The following RAB11FIP1 variants were observed in gnomAD, a reference collection of about 807,000 sequenced individuals.
The protein encoded by RAB11FIP1 is RAB11 family interacting protein 1.
Under a neutral mutation model 83.1 loss-of-function variants are expected in RAB11FIP1, and 49 were observed. That is an observed-to-expected ratio of 0.59 (90% CI 0.47 to 0.75). The LOEUF (loss-of-function observed/expected upper bound fraction) is 0.75, where lower values mean the gene tolerates loss of function less well. Ranked by LOEUF, RAB11FIP1 falls within the 30% of genes least tolerant of loss-of-function variation. The pLI, the probability that RAB11FIP1 is intolerant of heterozygous loss-of-function variation, is 0.00. For missense variants in RAB11FIP1, 1,536 were observed against 1,598.7 expected (o/e 0.96, Z 0.67); for synonymous variants, 670 against 656.0 (o/e 1.02, Z -0.33).
Position 37,871,345 on chromosome 8 carries a change from C to G in RAB11FIP1, c.3457G>C (p.Val1153Leu), listed in dbSNP as rs777316777. Residue 1153 changes from valine (V) to leucine (L), a missense_variant, in exon 4 of 6, where the codon GTC becomes CTC. By Grantham distance (32) the Val-to-Leu change is conservative. Transcript: ENST00000330843. Reference sequence around the variant, plus strand: ...ACTGGATGTGTCTCCGAGGGTGAGACCCAGGCCTGGAGGAGTGGCTTCCTC... The same window carrying G: ...ACTGGATGTGTCTCCGAGGGTGAGAGCCAGGCCTGGAGGAGTGGCTTCCTC... ...GKRKPLLQAWVSPSETHPVSA... is the reference protein window; with the variant it reads ...GKRKPLLQAWLSPSETHPVSA... 1 of 1,614,016 alleles carries G rather than the reference C, an allele frequency of 6.2e-7. No homozygotes were observed.
chr8:37,866,852 A>T (rs1350651593), intron 5 of RAB11FIP1, among the ~76,000 whole-genome samples: 1 of 152,210 alleles, frequency 6.6e-6, no homozygotes, highest in Non-Finnish European at 1.5e-5. Flanking sequence ...CCAATAGCAG[A>T]GCCTCCAGGA....
chr8:37,873,358 A>G (rs1220618731), intron 3 of RAB11FIP1, 179 bp from the exon 4 acceptor site: 2 of 599,968 alleles, frequency 3.3e-6, no homozygotes, highest in Non-Finnish European at 5.5e-6. Context: ...TAATCCCAGC[A>G]CTGTGGGAGG....
chr8:37,894,996 G>A (rs1410033570), intron 1 of RAB11FIP1, among the ~76,000 whole-genome samples: 3 of 147,644 alleles, frequency 2.0e-5, no homozygotes, highest in South Asian at 2.1e-4. Context: ...AACCTCAGGT[G>A]ATCCACCCAC....
rs756794766 is a variant in RAB11FIP1 at position 37,871,951 on chromosome 8, T to C, written c.2851A>G (p.Ile951Val). The C allele has an allele frequency of 3.7e-6, 6 of 1,614,074 alleles. No homozygotes were observed. Among genetic ancestry groups the C allele is most frequent in the African/African-American group, 2.7e-5 (2 of 74,932 alleles). ...LQLVSDFKSP[I>V]MADLNLSLPS... ...AGGCTTAAGTTCAGATCGGCCATGA[T>C]TGGAGATTTAAAATCTGAGACCAAC... Residue 951 changes from isoleucine to valine, a missense_variant, in exon 4 of 6, where the codon ATC becomes GTC. Coordinates refer to ENST00000330843, the MANE Select transcript of RAB11FIP1 (RefSeq NM_001002814.3).
intron 1 of RAB11FIP1, among the ~76,000 whole-genome samples, chr8:37,888,965 A>AT (rs1232262770): frequency 1.8e-4 from 28 of 151,678 alleles, no homozygotes; most frequent in Admixed American, 1.7e-3. Flanking sequence ...GCCCAGCTAA[A>AT]TTTTTGTATT....
intron 5 of RAB11FIP1, among the ~76,000 whole-genome samples, chr8:37,868,113 C>T (rs1471602287): frequency 1.3e-5 from 2 of 152,100 alleles, no homozygotes; most frequent in Admixed American, 6.6e-5. Flanking sequence ...TAGAGCAAGA[C>T]CCCATCTCCA....
chr8:37,895,265 T>A (rs1317924735), intron 1 of RAB11FIP1, among the ~76,000 whole-genome samples: 672 of 17,498 alleles, frequency 0.038, no homozygotes, highest in African/African-American at 0.044. Context: ...ATATATTTTT[T>A]TTTTTTTTTT....
rs748224398 is a variant in RAB11FIP1 at position 37,899,474 on chromosome 8, A to G, written c.-33T>C. ...ATAACACTCCAGAAGCGAGGAGAAGATCGCCGCGACTGGCGGCCTCCACGG... is the reference window on the plus strand; with the variant it reads ...ATAACACTCCAGAAGCGAGGAGAAGGTCGCCGCGACTGGCGGCCTCCACGG... On this transcript the variant is annotated 5_prime_UTR_variant, in exon 1 of 6. Transcript: ENST00000330843. The surrounding 1 kb of genome is among the most constrained non-coding windows in gnomAD (Gnocchi z 4.5). 6.7e-7 allele frequency: 1 copy of G among 1,486,592 alleles called. No individual in the cohort carries two copies. The highest frequency in any genetic ancestry group is 8.9e-7 in the Non-Finnish European group (1 of 1,121,738). The allele number at this position is 1,486,592 out of a possible 1,614,324, so 92.1% of individuals were successfully genotyped here.
At chr8:37,895,881 GACACAC>G (rs374289320) in intron 1 of RAB11FIP1, among the ~76,000 whole-genome samples, 19 of 150,022 alleles carry the variant, frequency 1.3e-4, no homozygotes, top group Admixed American at 6.7e-4. Flanking sequence ...CAGACAGAGA[GACACAC>G]ACACACACAC....
At position 37,899,305 on chromosome 8, in the gene RAB11FIP1, T is replaced by A; in HGVS notation, c.137A>T (p.Gln46Leu). 1 of 1,609,882 alleles carries A rather than the reference T, an allele frequency of 6.2e-7. No homozygotes were observed. The highest frequency in any genetic ancestry group is 2.2e-5 in the East Asian group (1 of 44,738). The change falls in exon 1 of 6, where the codon CAG becomes CTG. Residue 46 changes from glutamine to leucine, a missense_variant. Transcript: ENST00000330843. This position sits in a 1 kb window ranked among gnomAD's most constrained non-coding sequence, Gnocchi z 4.5. ...GGTSDAYAVI[Q>L]VGKEKYATSV... ...GGTGGCGTACTTCTCCTTGCCCACC[T>A]GGATCACCGCGTACGCGTCGCTCGT...
chr8:37,875,554 T>C lies in RAB11FIP1; in HGVS notation c.815-232A>G, dbSNP rs150938123. Among the ~76,000 whole-genome samples, 462 of 152,230 alleles carry C rather than the reference T, an allele frequency of 3.0e-3. 4 individuals are homozygous for C. The highest frequency in any genetic ancestry group is 0.011 in the African/African-American group (449 of 41,524). ...GTCTAAACTGTCCACAGTGCTGAGG[T>C]TGAGAAACTCTGGGTTAAACCAATG... On this transcript the variant is annotated intron_variant, in intron 2 of 5. Transcript: ENST00000330843.
chr8:37,873,320 G>T, intron 3 of RAB11FIP1, 141 bp from the exon 4 acceptor site: 1 of 950,540 alleles, frequency 1.1e-6, no homozygotes, highest in Non-Finnish European at 1.5e-6. Flanking sequence ...AAAAAGGAAC[G>T]CTAGCCGGGC....
At chr8:37,896,080 C>T (rs1224428479) in intron 1 of RAB11FIP1, among the ~76,000 whole-genome samples, 2 of 152,004 alleles carry the variant, frequency 1.3e-5, no homozygotes, top group African/African-American at 4.8e-5. Context: ...GAGGCTGAGG[C>T]GGGTGGATCA....
chr8:37,895,362 C>T (rs549704369), intron 1 of RAB11FIP1, among the ~76,000 whole-genome samples: 10 of 131,822 alleles, frequency 7.6e-5, no homozygotes, highest in Admixed American at 2.4e-4. Context: ...CCTCCTGCCT[C>T]GGCCTCCCAA....
At position 37,871,999 on chromosome 8, in the gene RAB11FIP1, A is replaced by C; in HGVS notation, c.2803T>G (p.Ser935Ala). ...AACTGAAGGTCACTCAAGGGGTCAG[A>C]CAATAAACCTTCGTGGTCACTGGCT... ...SKASDHEGLL[S>A]DPLSDLQLVS... Residue 935 changes from serine to alanine, a missense_variant, in exon 4 of 6, where the codon TCT (serine) becomes GCT (alanine). Transcript: ENST00000330843. The C allele has an allele frequency of 6.2e-7, 1 of 1,614,196 alleles. No individual in the cohort carries two copies. The highest frequency in any genetic ancestry group is 1.1e-5 in the South Asian group (1 of 91,084).
rs560021865 is a variant in RAB11FIP1 at position 37,872,337 on chromosome 8, G to A, written c.2465C>T (p.Ala822Val). 3.0e-5 allele frequency: 49 copies of A among 1,614,160 alleles called. No homozygotes were observed. The highest frequency in any genetic ancestry group is 1.8e-4 in the East Asian group (8 of 44,884). The change falls in exon 4 of 6, where the codon GCG (alanine) becomes GTG (valine). Residue 822 changes from alanine to valine, a missense_variant. Physicochemically the swap from Ala to Val is moderately conservative, Grantham distance 64 (BLOSUM62 0). Coordinates refer to ENST00000330843, the MANE Select transcript of RAB11FIP1 (RefSeq NM_001002814.3). ...TCCTTCCACCAGCAAGGCAGCCCCC[G>A]CCACTGCCTCTTCCGTGAAGAGCTG... is the stretch of plus-strand genomic sequence containing the variant. ...SEQLFTEEAV[A>V]GAALLVEGHS...
intron 1 of RAB11FIP1, among the ~76,000 whole-genome samples, chr8:37,882,962 A>G (rs963985576): frequency 2.6e-5 from 4 of 152,212 alleles, no homozygotes; most frequent in Non-Finnish European, 5.9e-5. Flanking sequence ...AAACGTCACC[A>G]ACTGTTCTTG....
At chr8:37,887,907 G>A (rs1806866077) in intron 1 of RAB11FIP1, among the ~76,000 whole-genome samples, 1 of 152,178 alleles carries the variant, frequency 6.6e-6, no homozygotes, top group Non-Finnish European at 1.5e-5. Flanking sequence ...ATTCCGTGAA[G>A]TGGGTATATG....
rs539441337 is a variant in RAB11FIP1 at position 37,863,056 on chromosome 8, T to C, written c.3691A>G (p.Ile1231Val). ...TCCTTCTGTTTGAGGACCAGCTGAA[T>C]CAGCTCATCGTGGGTCAGCTGCGCA... The part of the protein sequence containing the change: ...AYAQLTHDEL[I>V]QLVLKQKETI... Residue 1231 changes from isoleucine to valine, a missense_variant, in exon 6 of 6, where the codon ATT (isoleucine) becomes GTT (valine). Physicochemically the swap from Ile to Val is conservative, Grantham distance 29. Transcript: ENST00000330843. 3.1e-6 allele frequency: 5 copies of C among 1,612,852 alleles called. No homozygotes were observed. In the African/African-American group the frequency reaches 5.3e-5, roughly 17 times the overall value.
Sources: allele counts gnomAD v4.1 joint callset (sites outside exome capture counted in the v4.1 genomes callset), GRCh38; gene constraint gnomAD v4.1.1; non-coding constraint Gnocchi (gnomAD v3.1); transcripts MANE v1.5; gene names NCBI Gene and HGNC (gene_info 2026-07-23, HGNC 2026-07-21).